Variants in FNIP2 observed in about 807,000 individuals in gnomAD.
FNIP2 encodes the protein folliculin interacting protein 2, also known as folliculin-interacting protein 2.
In FNIP2, 32 loss-of-function variants were observed where a neutral mutation model predicts 108.7. The observed-to-expected ratio is 0.29, with a 90% CI of 0.22 to 0.40. The LOEUF (loss-of-function observed/expected upper bound fraction) is 0.40. FNIP2 is among the 10% of genes least tolerant of loss of function. The pLI, the probability that FNIP2 is intolerant of heterozygous loss-of-function variation, is 1.00. For synonymous variants in FNIP2, 480 were observed against 496.7 expected, an observed-to-expected ratio of 0.97 and a Z score of 0.45; for missense variants, 1,202 against 1,381.6, an observed-to-expected ratio of 0.87 and a Z score of 2.06.
intron 7 of FNIP2, chr4:158,836,069 T>G (rs1778778674): frequency 6.6e-6 from 1 of 152,390 alleles, no homozygotes; most frequent in African/African-American, 2.4e-5. Flanking sequence ...GAACTGAAAT[T>G]CAAGGACTGG....
At chr4:158,774,036 C>T (rs980372764) in intron 1 of FNIP2, among the ~76,000 whole-genome samples, 5 of 152,254 alleles carry the variant, frequency 3.3e-5, no homozygotes, top group Admixed American at 2.6e-4. Context: ...GAAAAATGTT[C>T]TCAATAGAAG....
intron 1 of FNIP2, among the ~76,000 whole-genome samples, chr4:158,809,456 C>T (rs1777151821): frequency 2.6e-5 from 4 of 152,124 alleles, no homozygotes. Flanking sequence ...AAGACTCCAT[C>T]TCAAAAAAAT....
At chr4:158,883,999 A>G (rs1029605272) in intron 14 of FNIP2, among the ~76,000 whole-genome samples, 1 of 133,098 alleles carries the variant, frequency 7.5e-6, no homozygotes, top group African/African-American at 2.9e-5. Context: ...GTAGAGCAGT[A>G]CTGTGTTCCT....
Position 158,870,851 on chromosome 4 carries a change from C to T in FNIP2, c.2949+382C>T, listed in dbSNP as rs539523155. On this transcript the variant is annotated intron_variant, in intron 14 of 16. Coordinates refer to ENST00000264433, the MANE Select transcript of FNIP2 (RefSeq NM_020840.3). ...CCGGCTGAAAGCCAGAGAGCAGGGGCACAGCTGATGCAGACACACAGCCTT... is the reference window on the plus strand; with the variant it reads ...CCGGCTGAAAGCCAGAGAGCAGGGGTACAGCTGATGCAGACACACAGCCTT... Among the ~76,000 whole-genome samples the T allele has an allele frequency of 7.2e-5, 11 of 152,338 alleles. No individual in the cohort carries two copies. In the East Asian group the frequency reaches 1.9e-3, roughly 27 times the overall value.
intron 16 of FNIP2, among the ~76,000 whole-genome samples, chr4:158,901,461 G>C (rs1442273882): frequency 3.9e-5 from 6 of 152,014 alleles, no homozygotes; most frequent in Non-Finnish European, 8.8e-5. Context: ...TGACCATTAT[G>C]TGTCTTGGGG....
intron 7 of FNIP2, among the ~76,000 whole-genome samples, chr4:158,848,629 T>A (rs1285565042): frequency 6.6e-6 from 1 of 152,118 alleles, no homozygotes; most frequent in Non-Finnish European, 1.5e-5. Context: ...ATGGACTAAA[T>A]ACAGCACCAG....
At chr4:158,833,786 T>G in intron 6 of FNIP2, 158 bp downstream of exon 6, 2 of 1,521,362 alleles carry the variant, frequency 1.3e-6, no homozygotes, top group Non-Finnish European at 1.8e-6. Context: ...CTCTTCTATG[T>G]GTTTCCATCT....
At chr4:158,837,643 A>G (rs1327706771) in intron 7 of FNIP2, among the ~76,000 whole-genome samples, 1 of 152,244 alleles carries the variant, frequency 6.6e-6, no homozygotes, top group Admixed American at 6.5e-5. Context: ...TAAAGTAGAA[A>G]GTCAGATTAA....
At chr4:158,777,905 C>T (rs1473809426) in intron 1 of FNIP2, among the ~76,000 whole-genome samples, 1 of 152,194 alleles carries the variant, frequency 6.6e-6, no homozygotes, top group Admixed American at 6.5e-5. Context: ...CCCAATCCCC[C>T]TTCCCAAAGG....
intron 1 of FNIP2, among the ~76,000 whole-genome samples, chr4:158,802,734 A>G (rs538476750): frequency 6.6e-6 from 1 of 152,332 alleles, no homozygotes; most frequent in East Asian, 1.9e-4. Flanking sequence ...GCAGCACTGC[A>G]TCCGAAGGTT....
At chr4:158,774,198 A>G (rs1265303867) in intron 1 of FNIP2, among the ~76,000 whole-genome samples, 1 of 152,212 alleles carries the variant, frequency 6.6e-6, no homozygotes, top group Non-Finnish European at 1.5e-5. Flanking sequence ...AGGAGCGATT[A>G]TGCATGTGCA....
chr4:158,821,024 G>A (rs1777856756), intron 1 of FNIP2, among the ~76,000 whole-genome samples: 1 of 152,178 alleles, frequency 6.6e-6, no homozygotes, highest in Non-Finnish European at 1.5e-5. Flanking sequence ...CAGATCACTT[G>A]AACTAGTGTC....
rs1251712369 is a variant in FNIP2, at chr4:158,791,582, T to A, written c.107+22263T>A. Among the ~76,000 whole-genome samples, 2 of 152,190 alleles carry A rather than the reference T, an allele frequency of 1.3e-5. 1 individual carries two copies. Among genetic ancestry groups the A allele is most frequent in the Non-Finnish European group, 2.9e-5 (2 of 68,024 alleles). On this transcript the variant is annotated intron_variant, in intron 1 of 16. Coordinates refer to ENST00000264433, the MANE Select transcript of FNIP2 (RefSeq NM_020840.3). ...CAGGCATGAGCCACTGCACCCAGCC[T>A]GCACTGAGAATCCTAAGAGAATTTT... is the stretch of plus-strand genomic sequence containing the variant.
intron 8 of FNIP2, among the ~76,000 whole-genome samples, chr4:158,855,161 A>G (rs1470313927): frequency 6.6e-6 from 1 of 152,168 alleles, no homozygotes; most frequent in African/African-American, 2.4e-5. Flanking sequence ...CCAAAGTGTC[A>G]TACTTTGGGG....
At chr4:158,821,629 T>C (rs1367599881) in intron 1 of FNIP2, among the ~76,000 whole-genome samples, 3 of 152,096 alleles carry the variant, frequency 2.0e-5, no homozygotes, top group Non-Finnish European at 2.9e-5. Flanking sequence ...TTTCCATAGA[T>C]TATCTCTTTT....
chr4:158,781,203 AG>A (rs1000670714), intron 1 of FNIP2, among the ~76,000 whole-genome samples: 2 of 152,178 alleles, frequency 1.3e-5, no homozygotes, highest in Admixed American at 1.3e-4. Flanking sequence ...GGAAGGAGTG[AG>A]GGAGGGCTCT....
chr4:158,774,972 A>T (rs57853378), intron 1 of FNIP2, among the ~76,000 whole-genome samples: 10,972 of 152,258 alleles, frequency 0.072, 572 homozygotes, highest in African/African-American at 0.14. Flanking sequence ...TGGTCTTTTA[A>T]TGCATGGAGT....
chr4:158,791,113 TA>T (rs1776398484), intron 1 of FNIP2, among the ~76,000 whole-genome samples: 3 of 137,974 alleles, frequency 2.2e-5, no homozygotes, highest in Admixed American at 7.1e-5. Flanking sequence ...GGCGTAGCAA[TA>T]AACGAGAAGG....
intron 1 of FNIP2, among the ~76,000 whole-genome samples, chr4:158,771,276 G>C (rs1775689392): frequency 1.3e-5 from 2 of 152,218 alleles, no homozygotes; most frequent in Non-Finnish European, 2.9e-5. Flanking sequence ...GCAGATGTGA[G>C]CAAGGATGCT....
Sources: gnomAD v4.1 joint callset for allele counts (sites outside exome capture counted in the v4.1 genomes callset) on GRCh38, gnomAD v4.1.1 for gene constraint, MANE v1.5 for transcripts, NCBI Gene and HGNC (gene_info 2026-07-23, HGNC 2026-07-21) for gene names.